NFIB: variants seen among roughly 807,000 people sequenced by gnomAD.
NFIB encodes nuclear factor I B, also known as nuclear factor 1 B-type.
NFIB carries 11 observed loss-of-function variants against 61.5 expected under a neutral mutation model. The observed-to-expected ratio is 0.18, with a 90% confidence interval of 0.11 to 0.30. The LOEUF (loss-of-function observed/expected upper bound fraction) is 0.30, where lower values mean the gene tolerates loss of function less well. Among genes scored for constraint, NFIB ranks in the 10% least tolerant of loss-of-function variants. The pLI, the probability that NFIB is intolerant of heterozygous loss-of-function variation, is 1.00. For missense variants in NFIB, 471 were observed against 608.9 expected (o/e 0.77, Z 2.38); for synonymous variants, 260 against 216.5 (o/e 1.20, Z -1.76).
Position 14,302,389 on chromosome 9 carries a change from T to A in NFIB, c.562+4600A>T, listed in dbSNP as rs184192315. On this transcript the variant is annotated intron_variant, in intron 2 of 10. Transcript: ENST00000380953. ...TGACTTCCCCTGTAAATAAGTCACA[T>A]TTTTCACAACTTCAAAATGTACTTC... 2.1e-3 allele frequency among the ~76,000 whole-genome samples: 326 copies of A among 152,298 alleles called. 2 individuals carry two copies. Among genetic ancestry groups the A allele is most frequent in the African/African-American group, 7.6e-3 (315 of 41,568 alleles).
chr9:14,353,221 G>A (rs1017250557), intron 1 of NFIB, among the ~76,000 whole-genome samples: 2 of 152,256 alleles, frequency 1.3e-5, no homozygotes, highest in Admixed American at 6.5e-5. Flanking sequence ...TCCAGGCCGC[G>A]TGAGCTTCCC....
chr9:14,520,387 A>G, the NFIB span, among the ~76,000 whole-genome samples: 1 of 152,230 alleles, frequency 6.6e-6, no homozygotes, highest in Non-Finnish European at 1.5e-5. Flanking sequence ...CATTATGAAC[A>G]CAGACCCAGC....
intron 1 of NFIB, among the ~76,000 whole-genome samples, chr9:14,321,256 C>T (rs541176794): frequency 1.3e-5 from 2 of 151,744 alleles, no homozygotes; most frequent in South Asian, 2.1e-4. Context: ...GGAAAAAAAT[C>T]GGCAGCAAAA....
the NFIB span, among the ~76,000 whole-genome samples, chr9:14,409,113 T>G: frequency 6.6e-6 from 1 of 152,178 alleles, no homozygotes; most frequent in South Asian, 2.1e-4. Flanking sequence ...TTTGTTGACA[T>G]GCATGCTGTA....
chr9:14,264,548 C>T (rs1323664230), intron 2 of NFIB, among the ~76,000 whole-genome samples: 1 of 152,050 alleles, frequency 6.6e-6, no homozygotes, highest in Admixed American at 6.6e-5. Flanking sequence ...TAAAAACACT[C>T]AATGATGAAT....
intron 10 of NFIB, among the ~76,000 whole-genome samples, chr9:14,089,268 CG>C (rs1415635593): frequency 6.7e-6 from 1 of 149,032 alleles, no homozygotes; most frequent in Middle Eastern, 3.5e-3. Flanking sequence ...TGATAGATGG[CG>C]GGTTGGGGGT....
the NFIB span, among the ~76,000 whole-genome samples, chr9:14,453,524 T>G: frequency 6.6e-6 from 1 of 152,214 alleles, no homozygotes; most frequent in African/African-American, 2.4e-5. Context: ...CAGAGACATA[T>G]GGTATGGAGA....
chr9:14,493,351 T>C, the NFIB span, among the ~76,000 whole-genome samples: 2 of 152,158 alleles, frequency 1.3e-5, no homozygotes, highest in African/African-American at 2.4e-5. Flanking sequence ...GCACTGGTAA[T>C]TGAGGCAGAA....
At chr9:14,493,027 T>G in the NFIB span, among the ~76,000 whole-genome samples, 1 of 152,246 alleles carries the variant, frequency 6.6e-6, no homozygotes, top group African/African-American at 2.4e-5. Flanking sequence ...CCCGTGATGC[T>G]GTGCTCTAAA....
chr9:14,295,409 G>A (rs201224835), intron 2 of NFIB, among the ~76,000 whole-genome samples: 60 of 152,060 alleles, frequency 3.9e-4, no homozygotes, highest in Non-Finnish European at 6.2e-4. Flanking sequence ...GGCAGATCAC[G>A]AGGTCAGGAG....
intron 7 of NFIB, among the ~76,000 whole-genome samples, chr9:14,121,228 C>A (rs937851371): frequency 6.6e-6 from 1 of 152,154 alleles, no homozygotes; most frequent in Non-Finnish European, 1.5e-5. Context: ...GGCGCCATTG[C>A]GCTCCAACCT....
intron 3 of NFIB, among the ~76,000 whole-genome samples, chr9:14,167,000 T>A (rs1481545337): frequency 6.6e-6 from 1 of 151,216 alleles, no homozygotes; most frequent in Non-Finnish European, 1.5e-5. Context: ...TTCAAAGATA[T>A]GTCCTCGTGG....
intron 2 of NFIB, among the ~76,000 whole-genome samples, chr9:14,189,134 C>A (rs184912222): frequency 6.6e-6 from 1 of 152,276 alleles, no homozygotes; most frequent in East Asian, 1.9e-4. Flanking sequence ...AGTCTTCACG[C>A]ATTATTCTAA....
rs372536644 is a variant in NFIB, at chr9:14,216,546, CTGTGTGTGTGTGTG to C, written c.563-36780_563-36767del. 2.1e-3 allele frequency among the ~76,000 whole-genome samples: 45 copies of C among 21,512 alleles called. 1 individual carries two copies. Among genetic ancestry groups the C allele is most frequent in the African/African-American group, 8.6e-3 (35 of 4,060 alleles). The allele number at this position is 21,512 out of a possible 152,430, so 14.1% of individuals were successfully genotyped here. A position where few individuals can be genotyped will look rare whatever the true frequency, so the allele number is the denominator to read the frequency against. ...TCTCTCTCTCTCTCTCTCTCTCCCT[CTGTGTGTGTGTGTG>C]TGTGTGTGTGTGTGTGTGTGTGTGT... On this transcript the variant is annotated intron_variant, in intron 2 of 10. Transcript: ENST00000380953.
chr9:14,374,148 C>T (rs2061390456), intron 1 of NFIB, among the ~76,000 whole-genome samples: 2 of 152,168 alleles, frequency 1.3e-5, no homozygotes, highest in African/African-American at 4.8e-5. Context: ...GTGAATATAA[C>T]ATTTTCCAAG....
At chr9:14,508,120 TTATA>T in the NFIB span, among the ~76,000 whole-genome samples, 1 of 151,222 alleles carries the variant, frequency 6.6e-6, no homozygotes, top group Non-Finnish European at 1.5e-5. Context: ...AATATTCATA[TTATA>T]TATTCATATT....
the NFIB span, among the ~76,000 whole-genome samples, chr9:14,461,444 A>C: frequency 2.0e-5 from 3 of 152,212 alleles, no homozygotes; most frequent in Non-Finnish European, 4.4e-5. Flanking sequence ...CTCTCTGCCA[A>C]GCCTCATCTT....
the NFIB span, among the ~76,000 whole-genome samples, chr9:14,418,844 G>C: frequency 2.6e-5 from 4 of 152,102 alleles, no homozygotes; most frequent in Admixed American, 6.6e-5. Context: ...AACTAAAAAT[G>C]GTATATGCAT....
chr9:14,248,424 C>T (rs1270990985), intron 2 of NFIB, among the ~76,000 whole-genome samples: 2 of 151,924 alleles, frequency 1.3e-5, no homozygotes, highest in Admixed American at 6.6e-5. Flanking sequence ...GCATACACCA[C>T]CATGTCGGAC....
Sources: allele counts gnomAD v4.1 joint callset (sites outside exome capture counted in the v4.1 genomes callset), GRCh38; gene constraint gnomAD v4.1.1; transcripts MANE v1.5; gene names NCBI Gene and HGNC (gene_info 2026-07-23, HGNC 2026-07-21).